CHST12: variants seen among roughly 807,000 people sequenced by gnomAD.
CHST12 encodes carbohydrate (chondroitin 4) sulfotransferase 12.
Under a neutral mutation model 27.9 loss-of-function variants are expected in CHST12, and 23 were observed. The observed-to-expected ratio is 0.82, with a 90% confidence interval of 0.59 to 1.17. The LOEUF (loss-of-function observed/expected upper bound fraction) is 1.17, where lower values mean the gene tolerates loss of function less well. Ranked by LOEUF, CHST12 falls within the 50% of genes most tolerant of loss-of-function variation. The pLI is 0.00. For synonymous variants in CHST12, 322 were observed against 273.0 expected, an observed-to-expected ratio of 1.18 and a Z score of -1.77; for missense variants, 682 against 603.0, an observed-to-expected ratio of 1.13 and a Z score of -1.37.
Position 2,433,799 on chromosome 7 carries a change from C to A in CHST12, c.1160C>A (p.Ala387Asp). 1 of 1,614,144 alleles carries A rather than the reference C, an allele frequency of 6.2e-7. No homozygotes were observed. Among genetic ancestry groups the A allele is most frequent in the Non-Finnish European group, 8.5e-7 (1 of 1,180,030 alleles). The part of the protein sequence containing the change: ...EEDWFAKIPL[A>D]WRQQLYKLYE... ...GACTGGTTCGCCAAGATCCCCCTGG[C>A]CTGGAGGCAGCAGCTGTATAAACTC... The change falls in exon 2 of 2, where the codon GCC becomes GAC. Residue 387 changes from alanine (A) to aspartate (D), a missense_variant. Ala to Asp is a moderately radical substitution (Grantham distance 126, BLOSUM62 -2). Coordinates refer to ENST00000618655, the MANE Select transcript of CHST12 (RefSeq NM_018641.5). The surrounding 1 kb of genome is among the most constrained non-coding windows in gnomAD (Gnocchi z 6.1).
intron 1 of CHST12, among the ~76,000 whole-genome samples, chr7:2,426,260 C>A (rs2115426869): frequency 6.6e-6 from 1 of 152,274 alleles, no homozygotes; most frequent in Middle Eastern, 3.4e-3. Context: ...GGCTTGGTCA[C>A]AAGGGGCTTC....
chr7:2,423,578 G>A (rs544384399), intron 1 of CHST12, among the ~76,000 whole-genome samples: 1 of 152,212 alleles, frequency 6.6e-6, no homozygotes, highest in South Asian at 2.1e-4. Flanking sequence ...CACAGGGCGG[G>A]AGGAGGTTGG....
chr7:2,441,869 A>G lies in CHST12; in HGVS notation c.*7985A>G, dbSNP rs1782614125. On this transcript the variant is annotated 3_prime_UTR_variant, in exon 2 of 2. Coordinates refer to ENST00000618655, the MANE Select transcript of CHST12 (RefSeq NM_018641.5). ...TGGTGTTAATTTCAGTTCTTTTAAA[A>G]GTTGTGGTAAGATACATGCAACATA... 1 of 152,132 alleles carries G rather than the reference A, an allele frequency of 6.6e-6. No individual in the cohort carries two copies. The highest frequency in any genetic ancestry group is 2.4e-5 in the African/African-American group (1 of 41,442). The allele number at this position is 152,132 out of a possible 1,614,324, so 9.4% of individuals were successfully genotyped here. A position where few individuals can be genotyped will look rare whatever the true frequency, so the allele number is the denominator to read the frequency against.
Position 2,436,413 on chromosome 7 carries a change from C to A in CHST12, c.*2529C>A, listed in dbSNP as rs1206431496. The A allele has an allele frequency of 6.6e-6, 1 of 152,252 alleles. No homozygotes were observed. Among genetic ancestry groups the A allele is most frequent in the African/African-American group, 2.4e-5 (1 of 41,448 alleles). The allele number at this position is 152,252 out of a possible 1,614,324, so 9.4% of individuals were successfully genotyped here. ...AGTACTTCACCTCATGCAATGTCCT[C>A]TAGGTTCATCGGTGTCGTGGCAGGT... On this transcript the variant is annotated 3_prime_UTR_variant, in exon 2 of 2. Coordinates refer to ENST00000618655, the MANE Select transcript of CHST12 (RefSeq NM_018641.5).
Position 2,433,952 on chromosome 7 carries a change from C to G in CHST12, c.*68C>G. 2 of 1,410,868 alleles carry G rather than the reference C, an allele frequency of 1.4e-6. No individual in the cohort carries two copies. The highest frequency in any genetic ancestry group is 1.9e-6 in the Non-Finnish European group (2 of 1,038,822). The allele number at this position is 1,410,868 out of a possible 1,614,324, so 87.4% of individuals were successfully genotyped here. A position where few individuals can be genotyped will look rare whatever the true frequency, so the allele number is the denominator to read the frequency against. On this transcript the variant is annotated 3_prime_UTR_variant, in exon 2 of 2. Coordinates refer to ENST00000618655, the MANE Select transcript of CHST12 (RefSeq NM_018641.5). This position sits in a 1 kb window ranked among gnomAD's most constrained non-coding sequence, Gnocchi z 6.1. ...CACGCGCACTCCAGTTTTTTTATGA[C>G]CTACGATTTTGCAATCTGGGCTTCT... is the stretch of plus-strand genomic sequence containing the variant.
At chr7:2,425,227 C>CA (rs34629622) in intron 1 of CHST12, among the ~76,000 whole-genome samples, 111,888 of 136,804 alleles carry the variant, frequency 0.82, 45,852 homozygotes, top group East Asian at 0.94. Flanking sequence ...AAACAACAAA[C>CA]AAAAAAAAAA....
chr7:2,414,016 A>G (rs1583210892), intron 1 of CHST12, among the ~76,000 whole-genome samples: 1 of 152,050 alleles, frequency 6.6e-6, no homozygotes, highest in South Asian at 2.1e-4. Flanking sequence ...GGCATGAGCC[A>G]CCACGCCCGG....
In CHST12 at chr7:2,433,921, C is replaced by G; in HGVS notation, c.*37C>G. The G allele has an allele frequency of 1.3e-6, 2 of 1,524,942 alleles. No individual in the cohort carries two copies. Among genetic ancestry groups the G allele is most frequent in the African/African-American group, 1.4e-5 (1 of 71,926 alleles). 94.5% of individuals were successfully genotyped at this position (1,524,942 alleles called of 1,614,324 possible). A position where few individuals can be genotyped will look rare whatever the true frequency, so the allele number is the denominator to read the frequency against. On this transcript the variant is annotated 3_prime_UTR_variant, in exon 2 of 2. Coordinates refer to ENST00000618655, the MANE Select transcript of CHST12 (RefSeq NM_018641.5). The surrounding 1 kb of genome is among the most constrained non-coding windows in gnomAD (Gnocchi z 6.1). The stretch of plus-strand genomic sequence containing the variant: ...TTGCTTTTTCTCGCGTGCCTGGAAC[C>G]TGACGCACGCGCACTCCAGTTTTTT...
rs769411909 is a variant in CHST12, at chr7:2,433,213, C to G, written c.574C>G (p.Arg192Gly). 6.2e-7 allele frequency: 1 copy of G among 1,612,638 alleles called. No homozygotes were observed. The highest frequency in any genetic ancestry group is 8.5e-7 in the Non-Finnish European group (1 of 1,179,504). Reference protein sequence around the residue: ...MIVLSGSLLHRGAPYRDPLRI... With the variant: ...MIVLSGSLLHGGAPYRDPLRI... Reference sequence around the variant, plus strand: ...CGTGCTGAGCGGAAGCCTGCTGCACCGCGGTGCGCCCTACCGCGACCCGCT... The same window carrying G: ...CGTGCTGAGCGGAAGCCTGCTGCACGGCGGTGCGCCCTACCGCGACCCGCT... Residue 192 changes from arginine (R) to glycine (G), a missense_variant, in exon 2 of 2, where the codon CGC (arginine) becomes GGC (glycine). Arg to Gly is a moderately radical substitution (Grantham distance 125). Transcript: ENST00000618655. This position sits in a 1 kb window ranked among gnomAD's most constrained non-coding sequence, Gnocchi z 6.1.
rs146567990 is a variant in CHST12, at chr7:2,437,427, T to A, written c.*3543T>A. The A allele has an allele frequency of 6.6e-6, 1 of 152,410 alleles. No individual in the cohort carries two copies. Among genetic ancestry groups the A allele is most frequent in the Non-Finnish European group, 1.5e-5 (1 of 68,054 alleles). The allele number at this position is 152,410 out of a possible 1,614,324, so 9.4% of individuals were successfully genotyped here. A position where few individuals can be genotyped will look rare whatever the true frequency, so the allele number is the denominator to read the frequency against. On this transcript the variant is annotated 3_prime_UTR_variant, in exon 2 of 2. Coordinates refer to ENST00000618655, the MANE Select transcript of CHST12 (RefSeq NM_018641.5). Reference sequence around the variant, plus strand: ...ACACAGGTGTGACTTGCAGGTTGTGTGGGTGATGCCTCCCTCCCTCTTTCC... The same window carrying A: ...ACACAGGTGTGACTTGCAGGTTGTGAGGGTGATGCCTCCCTCCCTCTTTCC...
chr7:2,405,955 T>G (rs1781514009), intron 1 of CHST12, among the ~76,000 whole-genome samples: 1 of 152,110 alleles, frequency 6.6e-6, no homozygotes. Flanking sequence ...GCCCGTTGGT[T>G]GGCTGACCTT....
chr7:2,415,963 C>T (rs778619711), intron 1 of CHST12, among the ~76,000 whole-genome samples: 1 of 152,168 alleles, frequency 6.6e-6, no homozygotes. Flanking sequence ...TTGACTCTTA[C>T]TTTTACAAAA....
rs370862743 is a variant in CHST12, at chr7:2,433,848, C to A, written c.1209C>A (p.Phe403Leu). The change falls in exon 2 of 2, where the codon TTC (phenylalanine) becomes TTA (leucine). Residue 403 changes from phenylalanine (F) to leucine (L), a missense_variant. Phe to Leu is a conservative substitution (Grantham distance 22). Transcript: ENST00000618655. The surrounding 1 kb of genome is among the most constrained non-coding windows in gnomAD (Gnocchi z 6.1). ...TCTACGAGGCCGACTTTGTTCTCTTCGGCTACCCCAAGCCCGAAAACCTCC... is the reference window on the plus strand; with the variant it reads ...TCTACGAGGCCGACTTTGTTCTCTTAGGCTACCCCAAGCCCGAAAACCTCC... ...YKLYEADFVL[F>L]GYPKPENLLR... 4 of 1,593,138 alleles carry A rather than the reference C, an allele frequency of 2.5e-6. No individual in the cohort carries two copies. The highest frequency in any genetic ancestry group is 1.3e-5 in the African/African-American group (1 of 74,374).
Position 2,433,656 on chromosome 7 carries a change from G to A in CHST12, c.1017G>A (p.Val339=). 1 of 1,613,726 alleles carries A rather than the reference G, an allele frequency of 6.2e-7. No homozygotes were observed. Among genetic ancestry groups the A allele is most frequent in the Non-Finnish European group, 8.5e-7 (1 of 1,179,904 alleles). ...CHPCQIDYDF[V]GKLETLDEDA... ...CGTGCCAGATCGACTACGACTTCGT[G>A]GGGAAGCTGGAGACTCTGGACGAGG... The change falls in exon 2 of 2, where the codon GTG becomes GTA. Residue 339 remains valine, a synonymous_variant. Coordinates refer to ENST00000618655, the MANE Select transcript of CHST12 (RefSeq NM_018641.5). This position sits in a 1 kb window ranked among gnomAD's most constrained non-coding sequence, Gnocchi z 6.1.
intron 1 of CHST12, among the ~76,000 whole-genome samples, chr7:2,410,052 G>T (rs1781624940): frequency 6.6e-6 from 1 of 152,040 alleles, no homozygotes; most frequent in African/African-American, 2.4e-5. Context: ...AAGCAATTAT[G>T]ATTACAGGCC....
chr7:2,433,734 C>A lies in CHST12; in HGVS notation c.1095C>A (p.Pro365=). 6.2e-7 allele frequency: 1 copy of A among 1,613,776 alleles called. No homozygotes were observed. Among genetic ancestry groups the A allele is most frequent in the Non-Finnish European group, 8.5e-7 (1 of 1,179,978 alleles). ...LLQVDRQLRF[P]PSYRNRTASS... ...AGGTGGACCGGCAGCTCCGCTTCCC[C>A]CCGAGCTACCGGAACAGGACCGCCA... Residue 365 remains proline (P), a synonymous_variant, in exon 2 of 2, where the codon CCC becomes CCA. Coordinates refer to ENST00000618655, the MANE Select transcript of CHST12 (RefSeq NM_018641.5). The surrounding 1 kb of genome is among the most constrained non-coding windows in gnomAD (Gnocchi z 6.1).
intron 1 of CHST12, among the ~76,000 whole-genome samples, chr7:2,418,502 C>T (rs1314810920): frequency 6.6e-6 from 1 of 152,244 alleles, no homozygotes; most frequent in East Asian, 1.9e-4. Flanking sequence ...GCGTGCTCTG[C>T]TTCAAATCAC....
chr7:2,411,289 G>A (rs919892590), intron 1 of CHST12, among the ~76,000 whole-genome samples: 5 of 151,852 alleles, frequency 3.3e-5, no homozygotes, highest in African/African-American at 4.8e-5. Flanking sequence ...GGTATGTTGC[G>A]CAAGCTGATC....
Position 2,432,854 on chromosome 7 carries a change from A to G in CHST12, c.215A>G (p.Lys72Arg). The G allele has an allele frequency of 6.2e-7, 1 of 1,613,792 alleles. No homozygotes were observed. Among genetic ancestry groups the G allele is most frequent in the Non-Finnish European group, 8.5e-7 (1 of 1,179,892 alleles). Residue 72 changes from lysine to arginine, a missense_variant, in exon 2 of 2, where the codon AAG (lysine) becomes AGG (arginine). Transcript: ENST00000618655. The part of the protein sequence containing the change: ...ADSDVDEFLD[K>R]FLSAGVKQSD... ...TCCGATGTCGACGAGTTTCTGGACAAGTTTCTCAGTGCTGGCGTGAAGCAG... is the reference window on the plus strand; with the variant it reads ...TCCGATGTCGACGAGTTTCTGGACAGGTTTCTCAGTGCTGGCGTGAAGCAG...
Sources: gnomAD v4.1 joint callset for allele counts (sites outside exome capture counted in the v4.1 genomes callset) on GRCh38, gnomAD v4.1.1 for gene constraint, Gnocchi (gnomAD v3.1) non-coding constraint, MANE v1.5 for transcripts, NCBI Gene and HGNC (gene_info 2026-07-23, HGNC 2026-07-21) for gene names.